The following ZNF26 variants were observed in gnomAD, a reference collection of about 807,000 sequenced individuals.
ZNF26 encodes the protein zinc finger protein 26, also known as epididymis luminal protein 179.
In ZNF26, 32 loss-of-function variants were observed where a neutral mutation model predicts 54.9. That is an observed-to-expected ratio of 0.58 (90% CI 0.44 to 0.78). ZNF26 has a LOEUF of 0.78. Ranked by LOEUF, ZNF26 falls within the 30% of genes least tolerant of loss-of-function variation. The pLI is 0.00. For synonymous variants in ZNF26, 221 were observed against 209.2 expected (o/e 1.06, Z -0.49); for missense variants, 524 against 634.0 (o/e 0.83, Z 1.86).
At chr12:132,988,287 A>C (rs1297406018) in intron 1 of ZNF26, among the ~76,000 whole-genome samples, 1 of 150,932 alleles carries the variant, frequency 6.6e-6, no homozygotes, top group Non-Finnish European at 1.5e-5. Flanking sequence ...CCCAGGTTGG[A>C]GTGCAGTGGA....
rs1953681608 is a variant in ZNF26, at chr12:133,024,832, T to C, written c.*13351T>C. On this transcript the variant is annotated 3_prime_UTR_variant, in exon 4 of 4. Transcript: ENST00000328654. The stretch of plus-strand genomic sequence containing the variant: ...GTAGAGAAAGTCTTATTAAGAGATT[T>C]TTGGGGTGTGGCTTTTGTCTAATGG... The C allele has an allele frequency of 6.6e-6, 1 of 152,008 alleles. No individual in the cohort carries two copies. 9.4% of individuals were successfully genotyped at this position (152,008 alleles called of 1,614,324 possible). A position where few individuals can be genotyped will look rare whatever the true frequency, so the allele number is the denominator to read the frequency against.
chr12:133,003,552 C>T (rs1953264877), intron 1 of ZNF26, among the ~76,000 whole-genome samples: 1 of 152,130 alleles, frequency 6.6e-6, no homozygotes, highest in Non-Finnish European at 1.5e-5. Flanking sequence ...CGCCCCTGGC[C>T]TCCCTTTTCT....
rs7136485 is a variant in ZNF26, at chr12:133,014,529, T to C, written c.*3048T>C. The C allele has an allele frequency of 0.67, 99,659 of 148,722 alleles. 33,649 individuals are homozygous for C. The highest frequency in any genetic ancestry group is 0.86 in the East Asian group (4,434 of 5,138). 9.2% of individuals were successfully genotyped at this position (148,722 alleles called of 1,614,324 possible). ...CAGTGATGATGGTTTTGCTTTCTGT[T>C]TTTTTTTTTGTTTTGTTTTGTTTTT... is the stretch of plus-strand genomic sequence containing the variant. On this transcript the variant is annotated 3_prime_UTR_variant, in exon 4 of 4. Transcript: ENST00000328654.
At position 133,010,207 on chromosome 12, in the gene ZNF26, G is replaced by A. The variant is rs1377378371; in HGVS notation, c.328G>A (p.Val110Met). ...ESIERSYACS[V>M]LGRLNLSKTH... The stretch of plus-strand genomic sequence containing the variant: ...TATTGAAAGAAGCTATGCTTGTAGT[G>A]TGTTGGGAAGACTTAATCTGAGCAA... Residue 110 changes from valine to methionine, a missense_variant, in exon 4 of 4, where the codon GTG becomes ATG. Val to Met is a conservative substitution (Grantham distance 21). Coordinates refer to ENST00000328654, the MANE Select transcript of ZNF26 (RefSeq NM_019591.4). The A allele has an allele frequency of 6.2e-7, 1 of 1,614,032 alleles. No homozygotes were observed. The highest frequency in any genetic ancestry group is 1.7e-5 in the Admixed American group (1 of 59,998).
chr12:133,011,365 T>C lies in ZNF26; in HGVS notation c.1486T>C (p.Ser496Pro). 6.2e-7 allele frequency: 1 copy of C among 1,613,556 alleles called. No individual in the cohort carries two copies. The highest frequency in any genetic ancestry group is 2.2e-5 in the East Asian group (1 of 44,888). Reference sequence around the variant, plus strand: ...TGGAAAAGCCTTCACTCAGAAGTCATCTCTCAGTGAACATCAGAGAGTTCA... The same window carrying C: ...TGGAAAAGCCTTCACTCAGAAGTCACCTCTCAGTGAACATCAGAGAGTTCA... The part of the protein sequence containing the change: ...ECGKAFTQKS[S>P]LSEHQRVHTG... Residue 496 changes from serine to proline, a missense_variant, in exon 4 of 4, where the codon TCT becomes CCT. Coordinates refer to ENST00000328654, the MANE Select transcript of ZNF26 (RefSeq NM_019591.4).
chr12:133,008,701 A>G (rs1245591936), intron 3 of ZNF26, among the ~76,000 whole-genome samples: 9 of 148,088 alleles, frequency 6.1e-5, no homozygotes, highest in Admixed American at 1.4e-4. Context: ...GTGTGAACCC[A>G]GGAGGCGGAG....
intron 1 of ZNF26, among the ~76,000 whole-genome samples, chr12:132,992,696 G>A (rs1952989605): frequency 6.6e-6 from 1 of 152,138 alleles, no homozygotes; most frequent in African/African-American, 2.4e-5. Flanking sequence ...TCATAAGTTG[G>A]GGAACGTACT....
Position 133,019,097 on chromosome 12 carries a change from T to C in ZNF26, c.*7616T>C, listed in dbSNP as rs1953605248. ...AGTGGCTTTCTAATATCAGACACAA[T>C]AGAGTTTAAAACAAAAGTTTTACTA... On this transcript the variant is annotated 3_prime_UTR_variant, in exon 4 of 4. Coordinates refer to ENST00000328654, the MANE Select transcript of ZNF26 (RefSeq NM_019591.4). 1 of 152,080 alleles carries C rather than the reference T, an allele frequency of 6.6e-6. No homozygotes were observed. 9.4% of individuals were successfully genotyped at this position (152,080 alleles called of 1,614,324 possible).
In ZNF26 at chr12:133,024,603, G is replaced by T. The variant is rs2137288683; in HGVS notation, c.*13122G>T. On this transcript the variant is annotated 3_prime_UTR_variant, in exon 4 of 4. Transcript: ENST00000328654. Reference sequence around the variant, plus strand: ...AAGTACGAAAGCTCCTCAGGGAAAAGATGTAATCCAAGGCTGGCTATAATA... The same window carrying T: ...AAGTACGAAAGCTCCTCAGGGAAAATATGTAATCCAAGGCTGGCTATAATA... 1 of 152,304 alleles carries T rather than the reference G, an allele frequency of 6.6e-6. No individual in the cohort carries two copies. The highest frequency in any genetic ancestry group is 2.1e-4 in the South Asian group (1 of 4,826). 9.4% of individuals were successfully genotyped at this position (152,304 alleles called of 1,614,324 possible).
chr12:133,010,910 G>T lies in ZNF26; in HGVS notation c.1031G>T (p.Cys344Phe). 5 of 1,614,120 alleles carry T rather than the reference G, an allele frequency of 3.1e-6. No homozygotes were observed. Among genetic ancestry groups the T allele is most frequent in the Non-Finnish European group, 4.2e-6 (5 of 1,180,028 alleles). The change falls in exon 4 of 4, where the codon TGC becomes TTC. Residue 344 changes from cysteine to phenylalanine, a missense_variant. By Grantham distance (205) the Cys-to-Phe change is radical. Coordinates refer to ENST00000328654, the MANE Select transcript of ZNF26 (RefSeq NM_019591.4). ...RMHTGEKPYQCSDCGKAFNMK... is the reference protein window; with the variant it reads ...RMHTGEKPYQFSDCGKAFNMK... ...CATACAGGAGAAAAACCCTATCAAT[G>T]CAGTGATTGTGGGAAAGCCTTCAAT...
Position 133,024,617 on chromosome 12 carries a change from C to T in ZNF26, c.*13136C>T, listed in dbSNP as rs1224231552. On this transcript the variant is annotated 3_prime_UTR_variant, in exon 4 of 4. Coordinates refer to ENST00000328654, the MANE Select transcript of ZNF26 (RefSeq NM_019591.4). ...CTCAGGGAAAAGATGTAATCCAAGG[C>T]TGGCTATAATACCCTTATGTAAGAT... 6 of 152,220 alleles carry T rather than the reference C, an allele frequency of 3.9e-5. No homozygotes were observed. The highest frequency in any genetic ancestry group is 3.9e-4 in the Admixed American group (6 of 15,286). 9.4% of individuals were successfully genotyped at this position (152,220 alleles called of 1,614,324 possible).
In ZNF26 at chr12:133,024,958, C is replaced by G. The variant is rs1475811172; in HGVS notation, c.*13477C>G. ...AACTGTATAAAAAAAGATATTTGAA[C>G]TCTCAACCTTTTTGCTCAGGAAGGA... On this transcript the variant is annotated 3_prime_UTR_variant, in exon 4 of 4. Transcript: ENST00000328654. 2 of 152,206 alleles carry G rather than the reference C, an allele frequency of 1.3e-5. No individual in the cohort carries two copies. The highest frequency in any genetic ancestry group is 2.9e-5 in the Non-Finnish European group (2 of 68,042). The allele number at this position is 152,206 out of a possible 1,614,324, so 9.4% of individuals were successfully genotyped here. A position where few individuals can be genotyped will look rare whatever the true frequency, so the allele number is the denominator to read the frequency against.
chr12:132,997,871 A>G (rs1953123931), intron 1 of ZNF26, among the ~76,000 whole-genome samples: 2 of 152,226 alleles, frequency 1.3e-5, no homozygotes, highest in Admixed American at 6.5e-5. Context: ...GACTAAAAGT[A>G]TCATGAAGAA....
Position 133,001,529 on chromosome 12 carries a change from C to G in ZNF26, c.34-5513C>G, listed in dbSNP as rs1385800714. The G allele has an allele frequency of 1.8e-6, 1 of 569,826 alleles. No homozygotes were observed. The highest frequency in any genetic ancestry group is 2.8e-6 in the Non-Finnish European group (1 of 358,822). The allele number at this position is 569,826 out of a possible 1,614,324, so 35.3% of individuals were successfully genotyped here. On this transcript the variant is annotated intron_variant, in intron 1 of 3. Transcript: ENST00000328654. This position sits in a 1 kb window ranked among gnomAD's most constrained non-coding sequence, Gnocchi z 4.7. ...CTTGGTTGGAGCCTCTGACAGGGCTCTGCCCTGCAGTTCCATGGTGTATGT... is the reference window on the plus strand; with the variant it reads ...CTTGGTTGGAGCCTCTGACAGGGCTGTGCCCTGCAGTTCCATGGTGTATGT...
intron 1 of ZNF26, chr12:133,006,751 CG>C: frequency 7.1e-6 from 2 of 280,108 alleles, no homozygotes; most frequent in Non-Finnish European, 6.9e-6. Flanking sequence ...CCTGCCACTG[CG>C]CCCAGCTAAT....
chr12:133,008,775 C>CAAAAAA (rs57200465), intron 3 of ZNF26, among the ~76,000 whole-genome samples: 2 of 61,428 alleles, frequency 3.3e-5, no homozygotes, highest in Non-Finnish European at 6.6e-5. Flanking sequence ...GACTCCATCT[C>CAAAAAA]AAAAAAAAAA....
chr12:132,989,326 G>A (rs1593629495), intron 1 of ZNF26, among the ~76,000 whole-genome samples: 1 of 152,072 alleles, frequency 6.6e-6, no homozygotes, highest in African/African-American at 2.4e-5. Flanking sequence ...ATGAGCCACC[G>A]TGCCGGGTCT....
In ZNF26 at chr12:133,011,165, G is replaced by A. The variant is rs1953464215; in HGVS notation, c.1286G>A (p.Ser429Asn). Residue 429 changes from serine to asparagine, a missense_variant, in exon 4 of 4, where the codon AGT becomes AAT. Transcript: ENST00000328654. ...ACCGGAGAGAGACCCTATGAATGTA[G>A]TTTGTGTGAGAGAGCCTTTTGTGGA... Reference protein sequence around the residue: ...THTGERPYECSLCERAFCGKS... With the variant: ...THTGERPYECNLCERAFCGKS... 6.2e-7 allele frequency: 1 copy of A among 1,614,018 alleles called. No homozygotes were observed.
intron 1 of ZNF26, among the ~76,000 whole-genome samples, chr12:132,991,636 A>C (rs2316488): frequency 0.61 from 90,485 of 148,392 alleles, 28,327 homozygotes; most frequent in East Asian, 0.78. Context: ...ACAACAAAAA[A>C]AAAAAAAACC....
Sources: allele counts gnomAD v4.1 joint callset (sites outside exome capture counted in the v4.1 genomes callset), GRCh38; gene constraint gnomAD v4.1.1; non-coding constraint Gnocchi (gnomAD v3.1); transcripts MANE v1.5; gene names NCBI Gene and HGNC (gene_info 2026-07-23, HGNC 2026-07-21).